Variants in CDK7 observed in about 807,000 individuals in gnomAD.
CDK7 encodes cyclin dependent kinase 7.
A neutral mutation model predicts 49.1 loss-of-function variants in CDK7; 25 were observed. That is an observed-to-expected ratio of 0.51 (90% confidence interval 0.37 to 0.71). CDK7 has a LOEUF of 0.71. CDK7 is among the 30% of genes least tolerant of loss of function. CDK7 has a pLI of 0.00. For synonymous variants in CDK7, 107 were observed against 140.0 expected, an observed-to-expected ratio of 0.76 and a Z score of 1.67; for missense variants, 316 against 411.7, an observed-to-expected ratio of 0.77 and a Z score of 2.01.
chr5:69,272,247 A>ATC (rs376469074), intron 9 of CDK7, among the ~76,000 whole-genome samples: 4 of 152,088 alleles, frequency 2.6e-5, no homozygotes, highest in African/African-American at 4.8e-5. Context: ...TGATTTATGT[A>ATC]TCTCTCTCTC....
intron 1 of CDK7, 143 bp downstream of exon 1, chr5:69,235,184 C>A: frequency 1.2e-6 from 1 of 820,104 alleles, no homozygotes; most frequent in African/African-American, 1.7e-5. Flanking sequence ...GCACTTGCTG[C>A]CCATTCTTTA....
chr5:69,246,804 A>G (rs1400738530), intron 2 of CDK7, among the ~76,000 whole-genome samples: 1 of 150,658 alleles, frequency 6.6e-6, no homozygotes, highest in Non-Finnish European at 1.5e-5. Context: ...TGTTTCCGTT[A>G]TAATTTCTTT....
intron 9 of CDK7, among the ~76,000 whole-genome samples, chr5:69,271,430 T>C (rs942226697): frequency 6.6e-6 from 1 of 152,170 alleles, no homozygotes; most frequent in Non-Finnish European, 1.5e-5. Flanking sequence ...GGTTTGTCAC[T>C]TTTTCTTTAA....
intron 9 of CDK7, among the ~76,000 whole-genome samples, chr5:69,271,938 T>A (rs1014061198): frequency 2.0e-5 from 3 of 151,958 alleles, no homozygotes; most frequent in African/African-American, 7.3e-5. Flanking sequence ...TTTGTTTTTT[T>A]TTTTCTTTGA....
chr5:69,241,410 T>G (rs1458383030), intron 2 of CDK7, among the ~76,000 whole-genome samples: 1 of 140,230 alleles, frequency 7.1e-6, no homozygotes, highest in Admixed American at 7.9e-5. Context: ...AACCTCCGCC[T>G]CCTGGGTTCA....
chr5:69,246,123 T>C (rs531678713), intron 2 of CDK7, among the ~76,000 whole-genome samples: 2 of 148,834 alleles, frequency 1.3e-5, no homozygotes, highest in African/African-American at 5.0e-5. Flanking sequence ...AGAGCAGGAG[T>C]GGAAGTTTGT....
intron 1 of CDK7, 160 bp downstream of exon 1, chr5:69,235,201 G>A: frequency 1.3e-6 from 1 of 774,184 alleles, no homozygotes; most frequent in Non-Finnish European, 2.2e-6. Context: ...TTTACATCCT[G>A]GGGGTGAATC....
Position 69,248,802 on chromosome 5 carries a change from C to CTTT in CDK7, c.127-3601_127-3599dup, listed in dbSNP as rs70992911. 1.7e-3 allele frequency among the ~76,000 whole-genome samples: 153 copies of CTTT among 92,254 alleles called. 4 individuals are homozygous for CTTT. Among genetic ancestry groups the CTTT allele is most frequent in the East Asian group, 2.6e-3 (8 of 3,124 alleles). The allele number at this position is 92,254 out of a possible 152,430, so 60.5% of individuals were successfully genotyped here. On this transcript the variant is annotated intron_variant, in intron 2 of 11. Transcript: ENST00000256443. ...ATAACCTTCTTTTCTTTTTTTTTTT[C>CTTT]TTTTTTTTTTTTTTTTTGGAGACGG...
At chr5:69,260,884 C>T (rs1158157837) in intron 7 of CDK7, among the ~76,000 whole-genome samples, 2 of 152,060 alleles carry the variant, frequency 1.3e-5, no homozygotes, top group African/African-American at 2.4e-5. Context: ...GTTGTGCAAA[C>T]AGTACTCACT....
At chr5:69,255,284 A>G (rs1176477390) in intron 4 of CDK7, among the ~76,000 whole-genome samples, 176 bp from the exon 5 acceptor site, 1 of 152,232 alleles carries the variant, frequency 6.6e-6, no homozygotes, top group Non-Finnish European at 1.5e-5. Flanking sequence ...TCAAAATACT[A>G]ATTCCTTTAG....
At chr5:69,235,297 AGGAACTCTG>A in intron 1 of CDK7, 88 bp from the exon 2 acceptor site, 1 of 958,568 alleles carries the variant, frequency 1.0e-6, no homozygotes, top group South Asian at 1.4e-5. Flanking sequence ...GAGTCTGCTC[AGGAACTCTG>A]GGCTCTTTGC....
At chr5:69,259,960 G>A (rs774698219) in intron 7 of CDK7, 24 bp downstream of exon 7, 2 of 1,390,006 alleles carry the variant, frequency 1.4e-6, no homozygotes, top group South Asian at 1.2e-5. Flanking sequence ...AAAGCTACAT[G>A]TGCAGGAGTT....
At chr5:69,240,737 C>T (rs1749312174) in intron 2 of CDK7, among the ~76,000 whole-genome samples, 1 of 152,302 alleles carries the variant, frequency 6.6e-6, no homozygotes, top group African/African-American at 2.4e-5. Context: ...AAGCAGTTCT[C>T]CTGCCTCAGC....
At chr5:69,252,492 T>C (rs1750208387) in intron 3 of CDK7, 41 bp downstream of exon 3, 1 of 794,672 alleles carries the variant, frequency 1.3e-6, no homozygotes, top group Non-Finnish European at 2.0e-6. Context: ...AAAAGTTTTC[T>C]CCTTTTTTTT....
intron 8 of CDK7, among the ~76,000 whole-genome samples, chr5:69,268,403 T>C (rs1751302747): frequency 6.6e-6 from 1 of 152,136 alleles, no homozygotes; most frequent in Non-Finnish European, 1.5e-5. Context: ...AAATTTGGAG[T>C]GAATAAAATG....
At chr5:69,271,397 C>T (rs866182008) in intron 9 of CDK7, among the ~76,000 whole-genome samples, 11 of 152,200 alleles carry the variant, frequency 7.2e-5, no homozygotes, top group African/African-American at 2.4e-4. Context: ...GCTGCCTTTT[C>T]ATCCTCTGCA....
intron 4 of CDK7, 130 bp from the exon 5 acceptor site, chr5:69,255,330 A>C (rs1750415898): frequency 1.8e-6 from 1 of 546,420 alleles, no homozygotes; most frequent in African/African-American, 1.9e-5. Flanking sequence ...AAATTTAATC[A>C]AATGATTTAA....
intron 2 of CDK7, among the ~76,000 whole-genome samples, chr5:69,249,541 ACT>A (rs1017418151): frequency 1.4e-5 from 2 of 139,878 alleles, no homozygotes; most frequent in Non-Finnish European, 3.0e-5. Flanking sequence ...ACAGAGCAAG[ACT>A]CTGTTTCAAA....
chr5:69,252,435 A>G lies in CDK7; in HGVS notation c.144A>G (p.Arg48=). The change falls in exon 3 of 12, where the codon AGA becomes AGG. Residue 48 remains arginine, a synonymous_variant. Coordinates refer to ENST00000256443, the MANE Select transcript of CDK7 (RefSeq NM_001799.4). ...TCTACCAGATCAAACTTGGACATAG[A>G]TCAGAAGCTAAAGATGGTAAGTATT... ...VAIKKIKLGH[R]SEAKDGINRT... The G allele has an allele frequency of 6.4e-7, 1 of 1,554,588 alleles. No homozygotes were observed. Among genetic ancestry groups the G allele is most frequent in the Non-Finnish European group, 8.7e-7 (1 of 1,147,614 alleles).
Sources: allele counts gnomAD v4.1 joint callset (sites outside exome capture counted in the v4.1 genomes callset), GRCh38; gene constraint gnomAD v4.1.1; transcripts MANE v1.5; gene names NCBI Gene and HGNC (gene_info 2026-07-23, HGNC 2026-07-21).